Variants in CNN3 observed in about 807,000 individuals in gnomAD.
CNN3 encodes the protein calponin-3.
Under a neutral mutation model 39.0 loss-of-function variants are expected in CNN3, and 11 were observed. The observed-to-expected ratio is 0.28, with a 90% CI of 0.18 to 0.47. The LOEUF (loss-of-function observed/expected upper bound fraction) is 0.47. Among genes scored for constraint, CNN3 ranks in the 20% least tolerant of loss-of-function variants. CNN3 has a pLI of 0.99. For synonymous variants in CNN3, 101 were observed against 138.3 expected, an observed-to-expected ratio of 0.73 and a Z score of 1.89; for missense variants, 266 against 403.4, an observed-to-expected ratio of 0.66 and a Z score of 2.92.
At chr1:94,913,335 CAG>C (rs1318746986) in intron 1 of CNN3, among the ~76,000 whole-genome samples, 1 of 152,182 alleles carries the variant, frequency 6.6e-6, no homozygotes, top group Non-Finnish European at 1.5e-5. Flanking sequence ...TAAAACCTCC[CAG>C]AGTGATCATC....
chr1:94,916,216 G>A (rs1671276122), intron 1 of CNN3, among the ~76,000 whole-genome samples: 1 of 152,112 alleles, frequency 6.6e-6, no homozygotes, highest in Admixed American at 6.5e-5. Context: ...TGCAGCCTGG[G>A]CAACACGGTA....
chr1:94,916,484 G>C (rs1036858675), intron 1 of CNN3, among the ~76,000 whole-genome samples: 9 of 152,126 alleles, frequency 5.9e-5, no homozygotes, highest in Admixed American at 4.6e-4. Context: ...AAATCCAGTG[G>C]CCTGTCTCCA....
At chr1:94,907,195 A>C (rs1455641613) in intron 1 of CNN3, among the ~76,000 whole-genome samples, 1 of 152,208 alleles carries the variant, frequency 6.6e-6, no homozygotes, top group Non-Finnish European at 1.5e-5. Flanking sequence ...TGATCAATTA[A>C]AAATTAAGAC....
At chr1:94,921,650 G>A (rs1307498578) in intron 1 of CNN3, among the ~76,000 whole-genome samples, 1 of 151,864 alleles carries the variant, frequency 6.6e-6, no homozygotes, top group African/African-American at 2.4e-5. Flanking sequence ...GTGGGTATTA[G>A]CGATGTCATC....
intron 1 of CNN3, among the ~76,000 whole-genome samples, chr1:94,907,083 G>C (rs1037794650): frequency 1.8e-4 from 27 of 152,286 alleles, no homozygotes; most frequent in East Asian, 1.4e-3. Flanking sequence ...GTGGTTGTGG[G>C]GGGGAGCTCT....
At chr1:94,898,342 C>T (rs951759673) in intron 6 of CNN3, among the ~76,000 whole-genome samples, 4 of 152,104 alleles carry the variant, frequency 2.6e-5, no homozygotes, top group African/African-American at 4.8e-5. Context: ...GCCTCAAACA[C>T]GTAAATTTAG....
intron 1 of CNN3, among the ~76,000 whole-genome samples, chr1:94,921,287 C>T (rs777113178): frequency 1.6e-4 from 25 of 152,026 alleles, no homozygotes; most frequent in Non-Finnish European, 2.6e-4. Flanking sequence ...TCCAGCTACT[C>T]GGGAGGCTAA....
chr1:94,926,969 CG>C lies in CNN3; in HGVS notation c.-76del. 1 of 1,497,828 alleles carries C rather than the reference CG, an allele frequency of 6.7e-7. No individual in the cohort carries two copies. Among genetic ancestry groups the C allele is most frequent in the East Asian group, 2.4e-5 (1 of 41,672 alleles). 92.8% of individuals were successfully genotyped at this position (1,497,828 alleles called of 1,614,324 possible). ...CACTTCGCTTCCCCGCTCCTGGCCC[CG>C]AGGAGTGGCCGCCGCGGGGGATGCT... On this transcript the variant is annotated 5_prime_UTR_variant, in exon 1 of 7. Transcript: ENST00000370206. This position sits in a 1 kb window ranked among gnomAD's most constrained non-coding sequence, Gnocchi z 4.2.
chr1:94,906,517 G>C (rs960016597), intron 1 of CNN3, among the ~76,000 whole-genome samples: 2 of 151,966 alleles, frequency 1.3e-5, no homozygotes, highest in Non-Finnish European at 2.9e-5. Context: ...GATATATTTT[G>C]ATCAATCTGA....
chr1:94,925,161 A>G (rs900142512), intron 1 of CNN3, among the ~76,000 whole-genome samples: 16 of 152,214 alleles, frequency 1.1e-4, no homozygotes, highest in Non-Finnish European at 4.4e-5. Flanking sequence ...AGTCACTTGA[A>G]GGGCTGCCAA....
In CNN3 at chr1:94,927,081, G is replaced by A. The variant is rs1671610389; in HGVS notation, c.-187C>T. On this transcript the variant is annotated 5_prime_UTR_variant, in exon 1 of 7. Transcript: ENST00000370206. ...ACTGGGTCCAACTGGGTGCTACAGA[G>A]CCTCGAGCTCCGCTGCGAAGCACCC... 3.6e-6 allele frequency: 2 copies of A among 552,286 alleles called. No individual in the cohort carries two copies. The highest frequency in any genetic ancestry group is 2.4e-5 in the South Asian group (1 of 40,956). The allele number at this position is 552,286 out of a possible 1,614,324, so 34.2% of individuals were successfully genotyped here.
chr1:94,926,235 CAGCAGA>C lies in CNN3; in HGVS notation c.57+597_57+602del, dbSNP rs1275803635. 6.6e-6 allele frequency among the ~76,000 whole-genome samples: 1 copy of C among 152,260 alleles called. No individual in the cohort carries two copies. Among genetic ancestry groups the C allele is most frequent in the Non-Finnish European group, 1.5e-5 (1 of 68,046 alleles). The stretch of plus-strand genomic sequence containing the variant: ...TTGTCTCCATTTCCCGCAAAAGCAA[CAGCAGA>C]AGCAGCAGCAGCAATCTGCCTCCAA... On this transcript the variant is annotated intron_variant, in intron 1 of 6. Transcript: ENST00000370206. The surrounding 1 kb of genome is among the most constrained non-coding windows in gnomAD (Gnocchi z 4.2).
intron 5 of CNN3, among the ~76,000 whole-genome samples, chr1:94,900,750 A>T (rs1234654105): frequency 6.6e-6 from 1 of 152,202 alleles, no homozygotes; most frequent in Non-Finnish European, 1.5e-5. Flanking sequence ...ATGACCAGTG[A>T]AGAGAACAAT....
chr1:94,911,256 A>G (rs1671155659), intron 1 of CNN3, among the ~76,000 whole-genome samples: 1 of 152,220 alleles, frequency 6.6e-6, no homozygotes. Context: ...GGAACTAGAC[A>G]TTTAAAAGCT....
At chr1:94,924,831 T>TA (rs1159465140) in intron 1 of CNN3, among the ~76,000 whole-genome samples, 4 of 152,352 alleles carry the variant, frequency 2.6e-5, no homozygotes, top group African/African-American at 9.6e-5. Flanking sequence ...CTCCTCACCT[T>TA]ACAGGACTGC....
intron 6 of CNN3, among the ~76,000 whole-genome samples, chr1:94,899,089 T>TTA (rs1360106641): frequency 1.3e-5 from 2 of 152,150 alleles, no homozygotes; most frequent in African/African-American, 4.8e-5. Flanking sequence ...GAGCAATATT[T>TTA]TACTTGGATT....
chr1:94,906,035 T>A (rs1484762958), intron 1 of CNN3, among the ~76,000 whole-genome samples: 1 of 152,138 alleles, frequency 6.6e-6, no homozygotes, highest in Non-Finnish European at 1.5e-5. Context: ...CAGGCTGGAG[T>A]GCAGTGGCGT....
At position 94,926,201 on chromosome 1, in the gene CNN3, G is replaced by C. The variant is rs1671574805; in HGVS notation, c.57+637C>G. On this transcript the variant is annotated intron_variant, in intron 1 of 6. Transcript: ENST00000370206. The surrounding 1 kb of genome is among the most constrained non-coding windows in gnomAD (Gnocchi z 4.2). ...GCAGATATCACTCGCACAGTGGCGCGCTCAGGCTTTGTCTCCATTTCCCGC... is the reference window on the plus strand; with the variant it reads ...GCAGATATCACTCGCACAGTGGCGCCCTCAGGCTTTGTCTCCATTTCCCGC... 6.6e-6 allele frequency among the ~76,000 whole-genome samples: 1 copy of C among 152,218 alleles called. No individual in the cohort carries two copies. The highest frequency in any genetic ancestry group is 2.1e-4 in the South Asian group (1 of 4,828).
Position 94,903,387 on chromosome 1 carries a change from G to A in CNN3, c.179+16C>T, listed in dbSNP as rs1272734086. The A allele has an allele frequency of 3.8e-6, 6 of 1,567,674 alleles. No homozygotes were observed. Among genetic ancestry groups the A allele is most frequent in the Non-Finnish European group, 5.2e-6 (6 of 1,159,514 alleles). ...ACTGGAAGAGCAGAAACAGATTCTG[G>A]AGGGCTGTAACTCACTCGCAGAGGA... On this transcript the variant is annotated intron_variant, in intron 2 of 6. Transcript: ENST00000370206.
Sources: gnomAD v4.1 joint callset for allele counts (sites outside exome capture counted in the v4.1 genomes callset) on GRCh38, gnomAD v4.1.1 for gene constraint, Gnocchi (gnomAD v3.1) non-coding constraint, MANE v1.5 for transcripts, NCBI Gene and HGNC (gene_info 2026-07-23, HGNC 2026-07-21) for gene names.